PAPPA2: variants seen among roughly 807,000 people sequenced by gnomAD.
PAPPA2 encodes pappalysin 2.
PAPPA2 carries 86 observed loss-of-function variants against 176.4 expected under a neutral mutation model. The ratio of observed to expected loss-of-function variants is 0.49; its 90% CI spans 0.41 to 0.58. PAPPA2 has a LOEUF of 0.58. Ranked by LOEUF, PAPPA2 falls within the 20% of genes least tolerant of loss-of-function variation. PAPPA2 has a pLI of 0.00. For missense variants in PAPPA2, 2,073 were observed against 2,256.9 expected, an observed-to-expected ratio of 0.92 and a Z score of 1.65; for synonymous variants, 809 against 852.2, an observed-to-expected ratio of 0.95 and a Z score of 0.88.
intron 1 of PAPPA2, among the ~76,000 whole-genome samples, chr1:176,554,401 C>A (rs908555691): frequency 1.3e-5 from 2 of 152,202 alleles, no homozygotes; most frequent in Non-Finnish European, 2.9e-5. Flanking sequence ...GATATCCTTA[C>A]TTGTGTTAAG....
In PAPPA2 at chr1:176,781,361, G is replaced by A. The variant is rs1022998440; in HGVS notation, c.4716-8448G>A. Among the ~76,000 whole-genome samples, 5 of 127,146 alleles carry A rather than the reference G, an allele frequency of 3.9e-5. No homozygotes were observed. In the South Asian group the frequency reaches 8.1e-4, roughly 20 times the overall value. The allele number at this position is 127,146 out of a possible 152,430, so 83.4% of individuals were successfully genotyped here. A position where few individuals can be genotyped will look rare whatever the true frequency, so the allele number is the denominator to read the frequency against. On this transcript the variant is annotated intron_variant, in intron 17 of 22. Transcript: ENST00000367662. ...TTTACATGTGAGAAGAGCTTTGTAAGGGGCTTTTTTTTTTTTTTTTTTTTT... is the reference window on the plus strand; with the variant it reads ...TTTACATGTGAGAAGAGCTTTGTAAAGGGCTTTTTTTTTTTTTTTTTTTTT...
At chr1:176,710,965 G>A (rs551600980) in intron 11 of PAPPA2, among the ~76,000 whole-genome samples, 1 of 152,194 alleles carries the variant, frequency 6.6e-6, no homozygotes, top group East Asian at 1.9e-4. Flanking sequence ...TCTCCTAGGC[G>A]TGAAGTCAGC....
At chr1:176,515,039 A>G (rs1648827535) in intron 1 of PAPPA2, among the ~76,000 whole-genome samples, 1 of 152,208 alleles carries the variant, frequency 6.6e-6, no homozygotes, top group Non-Finnish European at 1.5e-5. Context: ...TGTTAGTTGT[A>G]TATTAATGGG....
chr1:176,808,133 A>G (rs1014705011), intron 21 of PAPPA2, among the ~76,000 whole-genome samples: 2 of 149,028 alleles, frequency 1.3e-5, no homozygotes, highest in Non-Finnish European at 2.9e-5. Flanking sequence ...CAATGGATTC[A>G]GCTTATAGTG....
At chr1:176,549,912 G>A (rs940843830) in intron 1 of PAPPA2, among the ~76,000 whole-genome samples, 6 of 152,174 alleles carry the variant, frequency 3.9e-5, no homozygotes, top group African/African-American at 1.2e-4. Flanking sequence ...TTTGAGTTTT[G>A]ACAAATGCAT....
rs755662280 is a variant in PAPPA2 at position 176,771,173 on chromosome 1, G to T, written c.4708G>T (p.Val1570Phe). Residue 1570 changes from valine (V) to phenylalanine (F), a missense_variant, in exon 17 of 23, where the codon GTC becomes TTC. Around this residue, in one of 4 missense-constraint regions of PAPPA2, gnomAD observed 846 missense variants for 857.9 expected, o/e 0.99. Coordinates refer to ENST00000367662, the MANE Select transcript of PAPPA2 (RefSeq NM_020318.3). The stretch of plus-strand genomic sequence containing the variant: ...TGTGGCAGAAAGTGCAGAGGGTAAA[G>T]TCAGGAAGTAAGTTGAATGTTCCTG... ...YYVAESAEGKVRNKLLKIQCL... is the reference protein window; with the variant it reads ...YYVAESAEGKFRNKLLKIQCL... The T allele has an allele frequency of 1.2e-6, 2 of 1,613,970 alleles. No homozygotes were observed. Among genetic ancestry groups the T allele is most frequent in the African/African-American group, 2.7e-5 (2 of 74,928 alleles).
intron 3 of PAPPA2, among the ~76,000 whole-genome samples, chr1:176,645,402 T>C (rs565320043): frequency 6.6e-6 from 1 of 151,822 alleles, no homozygotes; most frequent in Admixed American, 6.6e-5. Context: ...ATTCCATCCA[T>C]GTTGCTGCAA....
intron 1 of PAPPA2, among the ~76,000 whole-genome samples, chr1:176,509,101 C>T (rs55807339): frequency 1 from 2 of 2 alleles, 1 homozygote; most frequent in Non-Finnish European, 1. Context: ...ATATGTGATG[C>T]ACTATTTAAT....
chr1:176,519,424 A>G (rs1166828459), intron 1 of PAPPA2, among the ~76,000 whole-genome samples: 1 of 152,120 alleles, frequency 6.6e-6, no homozygotes, highest in Non-Finnish European at 1.5e-5. Flanking sequence ...GAGGGGAGAG[A>G]GCATGACCTT....
intron 4 of PAPPA2, among the ~76,000 whole-genome samples, chr1:176,676,690 GTGA>G (rs1659316387): frequency 6.6e-6 from 1 of 151,794 alleles, no homozygotes; most frequent in South Asian, 2.1e-4. Flanking sequence ...GACTGTGGTG[GTGA>G]TTACACAAAT....
intron 2 of PAPPA2, among the ~76,000 whole-genome samples, chr1:176,574,331 AT>A (rs1229761897): frequency 6.6e-6 from 1 of 152,118 alleles, no homozygotes; most frequent in African/African-American, 2.4e-5. Flanking sequence ...TAATACTATT[AT>A]TATCTCCATT....
chr1:176,713,650 T>C (rs12136269), intron 12 of PAPPA2, among the ~76,000 whole-genome samples: 11,466 of 152,240 alleles, frequency 0.075, 473 homozygotes, highest in South Asian at 0.14. Flanking sequence ...TGTTTTATTT[T>C]GCCTCTCAAA....
intron 12 of PAPPA2, among the ~76,000 whole-genome samples, chr1:176,719,195 C>T (rs1661507237): frequency 6.6e-6 from 1 of 151,054 alleles, no homozygotes; most frequent in Non-Finnish European, 1.5e-5. Context: ...ACAATTGCTT[C>T]GTGATATCTA....
chr1:176,712,370 A>G (rs1661186835), intron 12 of PAPPA2, among the ~76,000 whole-genome samples: 1 of 152,122 alleles, frequency 6.6e-6, no homozygotes, highest in Admixed American at 6.6e-5. Context: ...TGAGGTGGAT[A>G]CTATTTCTGT....
chr1:176,737,669 T>G (rs1662477293), intron 12 of PAPPA2, among the ~76,000 whole-genome samples: 2 of 152,198 alleles, frequency 1.3e-5, no homozygotes, highest in Middle Eastern at 6.8e-3. Flanking sequence ...CTGGCATAAC[T>G]TCTTCCCACA....
chr1:176,716,236 T>C (rs1029920338), intron 12 of PAPPA2, among the ~76,000 whole-genome samples: 2 of 150,688 alleles, frequency 1.3e-5, no homozygotes, highest in Non-Finnish European at 3.0e-5. Context: ...TCTTTCTTTT[T>C]TTTTTTTTTT....
At chr1:176,559,366 T>G (rs1651527029) in intron 2 of PAPPA2, among the ~76,000 whole-genome samples, 1 of 152,206 alleles carries the variant, frequency 6.6e-6, no homozygotes, top group African/African-American at 2.4e-5. Flanking sequence ...TACCACTCTA[T>G]ATTTTTCTTT....
At chr1:176,685,479 T>C (rs907411117) in intron 4 of PAPPA2, among the ~76,000 whole-genome samples, 2 of 152,130 alleles carry the variant, frequency 1.3e-5, no homozygotes, top group African/African-American at 4.8e-5. Context: ...CCATGCGGAG[T>C]CTGACCTATG....
intron 17 of PAPPA2, 149 bp downstream of exon 17, chr1:176,771,329 C>A (rs1664215296): frequency 1.4e-6 from 1 of 718,982 alleles, no homozygotes; most frequent in Non-Finnish European, 2.3e-6. Flanking sequence ...AATATATTCT[C>A]TCCAATAGAA....
Sources: gnomAD v4.1 joint callset for allele counts (sites outside exome capture counted in the v4.1 genomes callset) on GRCh38, gnomAD v4.1.1 for gene constraint, gnomAD v4.1.1 regional missense constraint, MANE v1.5 for transcripts, NCBI Gene and HGNC (gene_info 2026-07-23, HGNC 2026-07-21) for gene names.